The following CDH23 variants were observed in gnomAD, a reference collection of about 807,000 sequenced individuals.
The protein encoded by CDH23 is cadherin related 23, also known as cadherin-23.
In CDH23, 189 loss-of-function variants were observed where a neutral mutation model predicts 317.1. The ratio of observed to expected loss-of-function variants is 0.60; its 90% CI spans 0.53 to 0.67. The LOEUF is 0.67. Ranked by LOEUF, CDH23 falls within the 30% of genes least tolerant of loss-of-function variation. The pLI is 0.00. For synonymous variants in CDH23, 1,839 were observed against 1,876.8 expected (o/e 0.98, Z 0.52); for missense variants, 4,401 against 4,592.4 (o/e 0.96, Z 1.20).
intron 9 of CDH23, among the ~76,000 whole-genome samples, chr10:71,584,113 C>T (rs1489397512): frequency 4.6e-5 from 7 of 152,172 alleles, no homozygotes; most frequent in South Asian, 2.1e-4. Flanking sequence ...TCTAAAGGAG[C>T]GTGTGTTCTC....
At chr10:71,486,539 G>A (rs892186742) in intron 3 of CDH23, among the ~76,000 whole-genome samples, 2 of 152,150 alleles carry the variant, frequency 1.3e-5, no homozygotes, top group African/African-American at 4.8e-5. Flanking sequence ...TGTGGCATAA[G>A]GTGACATCAC....
intron 38 of CDH23, among the ~76,000 whole-genome samples, chr10:71,759,914 C>CATACACACACACAT (rs1840272147): frequency 1.4e-4 from 8 of 56,894 alleles, no homozygotes; most frequent in Admixed American, 2.0e-4. Flanking sequence ...TACACACACA[C>CATACACACACACAT]ATATATACAC....
intron 3 of CDH23, among the ~76,000 whole-genome samples, chr10:71,459,742 A>G (rs1850884995): frequency 2.6e-5 from 4 of 152,186 alleles, no homozygotes; most frequent in Admixed American, 2.0e-4. Context: ...CTCAGCAGGC[A>G]GTGAGCACCA....
At chr10:71,689,266 C>T (rs1001110914) in intron 19 of CDH23, among the ~76,000 whole-genome samples, 3 of 151,872 alleles carry the variant, frequency 2.0e-5, no homozygotes, top group African/African-American at 7.3e-5. Context: ...CCTGGCACCA[C>T]GAGGCCTTCT....
chr10:71,496,818 T>G (rs1852999742), intron 3 of CDH23, among the ~76,000 whole-genome samples: 1 of 105,848 alleles, frequency 9.4e-6, no homozygotes, highest in Non-Finnish European at 2.3e-5. Context: ...CTGATGTATG[T>G]GGTCTGGTGT....
rs1841065567 is a variant in CDH23, at chr10:71,785,088, C to T, written c.5700C>T (p.Phe1900=). 4 of 1,613,860 alleles carry T rather than the reference C, an allele frequency of 2.5e-6. No homozygotes were observed. In the East Asian group the frequency reaches 8.9e-5, roughly 36 times the overall value. ...CGGGCAACCGCGAGCGGGCCTTCTT[C>T]ATCAATGCCACGGTAGGGCCTAGAC... is the stretch of plus-strand genomic sequence containing the variant. ...ITAGNRERAF[F]INATTGIVTV... Residue 1900 remains phenylalanine, a synonymous_variant, in exon 43 of 70, where the codon TTC becomes TTT. Transcript: ENST00000224721.
chr10:71,802,600 A>C (rs1482699544), intron 53 of CDH23, among the ~76,000 whole-genome samples: 1 of 152,144 alleles, frequency 6.6e-6, no homozygotes, highest in Admixed American at 6.5e-5. Context: ...GTGAGGGGAT[A>C]AGGGGTTTCT....
chr10:71,796,938 C>A (rs1841419302), intron 48 of CDH23, 166 bp from the exon 49 acceptor site: 7 of 575,320 alleles, frequency 1.2e-5, no homozygotes, highest in Non-Finnish European at 2.2e-5. Context: ...CCACGTGACC[C>A]AAGCTTATGA....
rs138034595 is a variant in CDH23, at chr10:71,543,742, G to A, written c.430-23000G>A. The stretch of plus-strand genomic sequence containing the variant: ...GGCTCTATAGAGTTCAGGGGCCAGG[G>A]TGGAGCTGAACCTCCCAGCACCCTC... On this transcript the variant is annotated intron_variant, in intron 6 of 69. Coordinates refer to ENST00000224721, the MANE Select transcript of CDH23 (RefSeq NM_022124.6). Among the ~76,000 whole-genome samples the A allele has an allele frequency of 3.8e-3, 578 of 152,350 alleles. 2 individuals carry two copies. The highest frequency in any genetic ancestry group is 5.5e-3 in the Non-Finnish European group (373 of 68,022).
At position 71,732,075 on chromosome 10, in the gene CDH23, G is replaced by A. The variant is rs759358975; in HGVS notation, c.3804G>A (p.Val1268=). The part of the protein sequence containing the change: ...IDESTGLIIT[V]NYLDYETKTS... ...AGAGCACAGGGCTTATCATCACCGT[G>A]AATTACCTGGACTACGAGACCAAGA... The change falls in exon 32 of 70, where the codon GTG becomes GTA. Residue 1268 remains valine (V), a synonymous_variant. Coordinates refer to ENST00000224721, the MANE Select transcript of CDH23 (RefSeq NM_022124.6). 1.2e-6 allele frequency: 2 copies of A among 1,614,018 alleles called. No homozygotes were observed. Among genetic ancestry groups the A allele is most frequent in the South Asian group, 1.1e-5 (1 of 91,080 alleles).
chr10:71,742,617 G>C (rs1261067521), intron 38 of CDH23, among the ~76,000 whole-genome samples: 1 of 152,210 alleles, frequency 6.6e-6, no homozygotes, highest in African/African-American at 2.4e-5. Flanking sequence ...TCTTGAGCAA[G>C]TCAGAACCTC....
intron 6 of CDH23, among the ~76,000 whole-genome samples, chr10:71,531,286 C>T (rs759456698): frequency 2.0e-5 from 3 of 152,176 alleles, no homozygotes; most frequent in Non-Finnish European, 2.9e-5. Context: ...CCCCCAGCTG[C>T]GGACCCTTGG....
chr10:71,445,994 T>C (rs534044760), intron 2 of CDH23, among the ~76,000 whole-genome samples: 5 of 152,204 alleles, frequency 3.3e-5, no homozygotes, highest in African/African-American at 9.6e-5. Context: ...TATTTTACAC[T>C]AATTTTTTTC....
chr10:71,660,374 T>C (rs1863598305), intron 14 of CDH23, among the ~76,000 whole-genome samples: 1 of 152,136 alleles, frequency 6.6e-6, no homozygotes, highest in African/African-American at 2.4e-5. Flanking sequence ...TTTTCTCCCA[T>C]GTAAAAGCAG....
At position 71,596,953 on chromosome 10, in the gene CDH23, A is replaced by C. The variant is rs113640144; in HGVS notation, c.833-18551A>C. Among the ~76,000 whole-genome samples the C allele has an allele frequency of 5.7e-3, 874 of 152,102 alleles. 7 individuals are homozygous for C. Among genetic ancestry groups the C allele is most frequent in the African/African-American group, 0.02 (844 of 41,502 alleles). On this transcript the variant is annotated intron_variant, in intron 9 of 69. Coordinates refer to ENST00000224721, the MANE Select transcript of CDH23 (RefSeq NM_022124.6). ...CCTCCCAGGTTGGGGACATTGGGCC[A>C]CTGAGGTCAGGTCTTTGTTTGAAGG...
chr10:71,512,499 C>A (rs568241185), intron 6 of CDH23, among the ~76,000 whole-genome samples: 1 of 152,232 alleles, frequency 6.6e-6, no homozygotes, highest in Admixed American at 6.5e-5. Context: ...AGGGTCTCTA[C>A]GTGCCAGCCT....
At position 71,530,275 on chromosome 10, in the gene CDH23, G is replaced by A. The variant is rs539935821; in HGVS notation, c.429+19063G>A. Among the ~76,000 whole-genome samples, 9 of 152,168 alleles carry A rather than the reference G, an allele frequency of 5.9e-5. No individual in the cohort carries two copies. In the East Asian group the frequency reaches 9.7e-4, roughly 16 times the overall value. On this transcript the variant is annotated intron_variant, in intron 6 of 69. Transcript: ENST00000224721. ...CCTCCTTGGGGGCTCTGGACCCGTC[G>A]GCCAGGCTGGGTGAGGAGAGAGAGG...
chr10:71,804,785 TTACTC>T (rs1314655701), intron 55 of CDH23, among the ~76,000 whole-genome samples: 1 of 152,212 alleles, frequency 6.6e-6, no homozygotes, highest in Non-Finnish European at 1.5e-5. Context: ...ATTTTTTTCT[TTACTC>T]TAGTTTTTTA....
At position 71,812,390 on chromosome 10, in the gene CDH23, G is replaced by A. The variant is rs1157194900; in HGVS notation, c.9381-90G>A. 4 of 1,605,524 alleles carry A rather than the reference G, an allele frequency of 2.5e-6. No individual in the cohort carries two copies. In the Admixed American group the frequency reaches 6.7e-5, roughly 27 times the overall value. ...CAGTGAAAGGCACTATATGGCCAGG[G>A]AAATGGGCAGGATGTGGGGTGAGGC... On this transcript the variant is annotated intron_variant, in intron 66 of 69. Transcript: ENST00000224721.
Sources: allele counts gnomAD v4.1 joint callset (sites outside exome capture counted in the v4.1 genomes callset), GRCh38; gene constraint gnomAD v4.1.1; transcripts MANE v1.5; gene names NCBI Gene and HGNC (gene_info 2026-07-23, HGNC 2026-07-21).